GPR89B: variants seen among roughly 807,000 people sequenced by gnomAD.
GPR89B encodes the protein golgi pH regulator B.
Under a neutral mutation model 52.4 loss-of-function variants are expected in GPR89B, and 25 were observed. The observed-to-expected ratio is 0.48, with a 90% CI of 0.35 to 0.67. The LOEUF is 0.67. Among genes scored for constraint, GPR89B ranks in the 30% least tolerant of loss-of-function variants. The probability of loss-of-function intolerance (pLI) is 0.01; values close to 1 mark genes in which losing one functional copy is unlikely to be tolerated. For missense variants in GPR89B, 146 were observed against 450.2 expected (o/e 0.32, Z 6.11); for synonymous variants, 52 against 151.2 (o/e 0.34, Z 4.81).
chr1:147,938,142 G>A (rs1227444264), intron 2 of GPR89B, among the ~76,000 whole-genome samples: 31 of 152,148 alleles, frequency 2.0e-4, no homozygotes, highest in African/African-American at 7.2e-4. Flanking sequence ...TTAAGCTTTG[G>A]ATTCAGAAGA....
intron 10 of GPR89B, among the ~76,000 whole-genome samples, chr1:147,984,897 C>T (rs1658551971): frequency 6.6e-6 from 1 of 151,898 alleles, no homozygotes; most frequent in Admixed American, 6.6e-5. Flanking sequence ...AAATTATTGA[C>T]TTGTTTTCTG....
chr1:147,969,601 C>A, intron 9 of GPR89B: 1 of 333,748 alleles, frequency 3.0e-6, no homozygotes, highest in South Asian at 3.2e-5. Context: ...ATTTTCTCAT[C>A]TGTAAAATTA....
At chr1:147,949,600 C>G (rs183418025) in intron 5 of GPR89B, among the ~76,000 whole-genome samples, 6,026 of 124,754 alleles carry the variant, frequency 0.048, 545 homozygotes, top group African/African-American at 0.14. Context: ...CCTCCAGGAC[C>G]GGGCAGCTGA....
chr1:147,931,870 G>A (rs1315148673), intron 1 of GPR89B, among the ~76,000 whole-genome samples: 2 of 152,016 alleles, frequency 1.3e-5, no homozygotes, highest in African/African-American at 4.8e-5. Flanking sequence ...ATTTGCTTAG[G>A]ATGATGGCCT....
the GPR89B span, among the ~76,000 whole-genome samples, chr1:148,022,221 G>C: frequency 6.6e-6 from 1 of 151,104 alleles, no homozygotes; most frequent in Admixed American, 6.6e-5. Context: ...TGAGTTTCAG[G>C]AGCTGGTCAG....
At chr1:148,009,111 G>C in the GPR89B span, among the ~76,000 whole-genome samples, 4 of 152,166 alleles carry the variant, frequency 2.6e-5, no homozygotes, top group East Asian at 7.7e-4. Flanking sequence ...GGAGTACCCA[G>C]TGCCCCCCAC....
intron 1 of GPR89B, among the ~76,000 whole-genome samples, chr1:147,935,792 T>G (rs1290625042): frequency 6.6e-6 from 1 of 152,158 alleles, no homozygotes; most frequent in African/African-American, 2.4e-5. Context: ...TGGAGCACAG[T>G]GGTGCAATCA....
At chr1:147,985,101 A>G (rs1658568985) in intron 10 of GPR89B, among the ~76,000 whole-genome samples, 1 of 152,040 alleles carries the variant, frequency 6.6e-6, no homozygotes, top group Admixed American at 6.6e-5. Context: ...TTTCTTTTTT[A>G]TTTCTGTCAG....
intron 7 of GPR89B, among the ~76,000 whole-genome samples, chr1:147,954,612 G>A (rs1339278973): frequency 3.3e-5 from 5 of 152,024 alleles, no homozygotes; most frequent in African/African-American, 1.2e-4. Flanking sequence ...GAGCCCAGAA[G>A]TTCGAGACTA....
At chr1:147,963,029 A>T (rs1656730172) in intron 7 of GPR89B, among the ~76,000 whole-genome samples, 1 of 149,304 alleles carries the variant, frequency 6.7e-6, no homozygotes, top group Non-Finnish European at 1.5e-5. Context: ...AAAATCCATG[A>T]AAGGAAAAAA....
At chr1:148,015,893 CTCTT>C in the GPR89B span, among the ~76,000 whole-genome samples, 1 of 151,882 alleles carries the variant, frequency 6.6e-6, no homozygotes, top group Non-Finnish European at 1.5e-5. Context: ...TTAGCTATAA[CTCTT>C]TCTTTTGTTA....
chr1:147,950,123 C>T (rs1258769422), intron 5 of GPR89B, among the ~76,000 whole-genome samples: 20 of 151,718 alleles, frequency 1.3e-4, no homozygotes, highest in African/African-American at 4.6e-4. Context: ...CAGAGACGCT[C>T]CTCACTTCCC....
chr1:147,949,149 C>T (rs1334265306), intron 5 of GPR89B, among the ~76,000 whole-genome samples: 6 of 152,084 alleles, frequency 3.9e-5, no homozygotes, highest in South Asian at 2.1e-4. Context: ...AAAAGTCTCC[C>T]GGGTCTACCT....
chr1:148,017,188 C>T, the GPR89B span, among the ~76,000 whole-genome samples: 57 of 151,612 alleles, frequency 3.8e-4, 1 homozygote, highest in Admixed American at 5.9e-4. Flanking sequence ...ACTACAGGTG[C>T]GTGCCAGGAC....
In GPR89B at chr1:147,968,872, C is replaced by G; in HGVS notation, c.728-3C>G. 6.2e-7 allele frequency: 1 copy of G among 1,612,434 alleles called. No homozygotes were observed. Among genetic ancestry groups the G allele is most frequent in the Non-Finnish European group, 8.5e-7 (1 of 1,179,132 alleles). ...TAAAACCTTGATGCCCATTCTGTGC[C>G]AGATCTTACTCTTATTCAACAGGAA... On this transcript the variant is annotated splice_polypyrimidine_tract_variant and splice_region_variant and intron_variant, in intron 8 of 13. Transcript: ENST00000314163.
chr1:147,972,452 T>C (rs1657541233), intron 10 of GPR89B, among the ~76,000 whole-genome samples: 1 of 150,902 alleles, frequency 6.6e-6, no homozygotes, highest in African/African-American at 2.5e-5. Flanking sequence ...GCACTGTGTA[T>C]GAGTTTCAGT....
At chr1:147,935,884 C>T (rs1401948024) in intron 1 of GPR89B, among the ~76,000 whole-genome samples, 1 of 152,028 alleles carries the variant, frequency 6.6e-6, no homozygotes, top group African/African-American at 2.4e-5. Flanking sequence ...ACAGGCACAC[C>T]CCACCACCCC....
At chr1:148,020,597 A>G in the GPR89B span, among the ~76,000 whole-genome samples, 1 of 151,462 alleles carries the variant, frequency 6.6e-6, no homozygotes, top group Non-Finnish European at 1.5e-5. Flanking sequence ...GTGCCGCGCT[A>G]ATAAAGAAAA....
downstream of GPR89B, among the ~76,000 whole-genome samples, chr1:147,998,500 G>A (rs1259038912): frequency 3.3e-5 from 5 of 151,752 alleles, no homozygotes; most frequent in East Asian, 1.9e-4. Context: ...GCAAAAATAC[G>A]TCTGATAACA....
Sources: allele counts gnomAD v4.1 joint callset (sites outside exome capture counted in the v4.1 genomes callset), GRCh38; gene constraint gnomAD v4.1.1; transcripts MANE v1.5; gene names NCBI Gene and HGNC (gene_info 2026-07-23, HGNC 2026-07-21).